Variants in KCTD16 observed in about 807,000 individuals in gnomAD.
KCTD16 encodes the protein BTB/POZ domain-containing protein KCTD16.
Under a neutral mutation model 33.2 loss-of-function variants are expected in KCTD16, and 13 were observed. The ratio of observed to expected loss-of-function variants is 0.39; its 90% confidence interval spans 0.25 to 0.62. The LOEUF (loss-of-function observed/expected upper bound fraction) is 0.62, where lower values mean the gene tolerates loss of function less well. Among genes scored for constraint, KCTD16 ranks in the 20% least tolerant of loss-of-function variants. The pLI, the probability that KCTD16 is intolerant of heterozygous loss-of-function variation, is 0.50. For missense variants in KCTD16, 441 were observed against 525.1 expected (o/e 0.84, Z 1.57); for synonymous variants, 197 against 195.3 (o/e 1.01, Z -0.07).
intron 3 of KCTD16, among the ~76,000 whole-genome samples, chr5:144,344,926 T>C (rs1292989601): frequency 6.6e-6 from 1 of 151,608 alleles, no homozygotes; most frequent in Non-Finnish European, 1.5e-5. Context: ...TGCGGCACTA[T>C]TCACAATAGC....
rs1754649896 is a variant in KCTD16 at position 144,478,961 on chromosome 5, C to A, written c.*4847C>A. The A allele has an allele frequency of 6.6e-6, 1 of 151,792 alleles. No homozygotes were observed. The highest frequency in any genetic ancestry group is 2.1e-4 in the South Asian group (1 of 4,828). The allele number at this position is 151,792 out of a possible 1,614,324, so 9.4% of individuals were successfully genotyped here. A position where few individuals can be genotyped will look rare whatever the true frequency, so the allele number is the denominator to read the frequency against. The stretch of plus-strand genomic sequence containing the variant: ...GGTTTTTTCCCAAAATAAAAGCCTG[C>A]ATTATTATAGTCTTAGCTCTGGGTA... On this transcript the variant is annotated 3_prime_UTR_variant, in exon 4 of 4. Coordinates refer to ENST00000512467, the MANE Select transcript of KCTD16 (RefSeq NM_020768.4).
chr5:144,423,668 C>A (rs1460658336), intron 3 of KCTD16, among the ~76,000 whole-genome samples: 1 of 152,070 alleles, frequency 6.6e-6, no homozygotes, highest in Admixed American at 6.6e-5. Context: ...TGGGAAAACC[C>A]TGAATTAAGA....
intron 3 of KCTD16, among the ~76,000 whole-genome samples, chr5:144,254,687 C>T (rs1466107897): frequency 6.6e-6 from 1 of 152,130 alleles, no homozygotes; most frequent in Non-Finnish European, 1.5e-5. Flanking sequence ...CTCCCACAGC[C>T]TCTGGCAACT....
In KCTD16 at chr5:144,477,746, C is replaced by A. The variant is rs935658703; in HGVS notation, c.*3632C>A. 6.6e-6 allele frequency: 1 copy of A among 151,954 alleles called. No homozygotes were observed. The highest frequency in any genetic ancestry group is 1.5e-5 in the Non-Finnish European group (1 of 67,956). The allele number at this position is 151,954 out of a possible 1,614,324, so 9.4% of individuals were successfully genotyped here. A position where few individuals can be genotyped will look rare whatever the true frequency, so the allele number is the denominator to read the frequency against. ...CCAAATTTTGATTCTTATACATTTT[C>A]CTTTGCTACAATTCCAACCTTCAAC... On this transcript the variant is annotated 3_prime_UTR_variant, in exon 4 of 4. Coordinates refer to ENST00000512467, the MANE Select transcript of KCTD16 (RefSeq NM_020768.4).
At chr5:144,364,494 T>A (rs1028167602) in intron 3 of KCTD16, among the ~76,000 whole-genome samples, 2 of 152,200 alleles carry the variant, frequency 1.3e-5, no homozygotes, top group African/African-American at 4.8e-5. Context: ...TCGAAGTAGA[T>A]CCAATCGCAT....
chr5:144,207,192 G>T lies in KCTD16; in HGVS notation c.478G>T (p.Asp160Tyr), dbSNP rs148158462. Residue 160 changes from aspartate (D) to tyrosine (Y), a missense_variant, in exon 3 of 4, where the codon GAC (aspartate) becomes TAC (tyrosine). Physicochemically the swap from Asp to Tyr is radical, Grantham distance 160 (BLOSUM62 -3). Coordinates refer to ENST00000512467, the MANE Select transcript of KCTD16 (RefSeq NM_020768.4). ...ICPPSSLLPA[D>Y]RKWGFITVGY... Reference sequence around the variant, plus strand: ...CCCCCCTTCCTCCCTGCTCCCTGCCGACCGCAAGTGGGGTTTCATTACTGT... The same window carrying T: ...CCCCCCTTCCTCCCTGCTCCCTGCCTACCGCAAGTGGGGTTTCATTACTGT... 1.2e-6 allele frequency: 2 copies of T among 1,613,270 alleles called. No homozygotes were observed. Among genetic ancestry groups the T allele is most frequent in the Admixed American group, 3.3e-5 (2 of 59,920 alleles).
intron 3 of KCTD16, among the ~76,000 whole-genome samples, chr5:144,358,519 C>CT (rs1751627098): frequency 6.6e-6 from 1 of 152,072 alleles, no homozygotes; most frequent in Admixed American, 6.6e-5. Flanking sequence ...CATTCGAGGC[C>CT]TTTTGTAAAG....
At chr5:144,174,037 G>A (rs574310645) in intron 1 of KCTD16, among the ~76,000 whole-genome samples, 15 of 151,846 alleles carry the variant, frequency 9.9e-5, no homozygotes, top group Non-Finnish European at 1.9e-4. Flanking sequence ...GGAGTAGAAA[G>A]CCTCACCCTA....
intron 3 of KCTD16, among the ~76,000 whole-genome samples, chr5:144,324,288 C>A (rs1441262154): frequency 2.2e-4 from 33 of 152,114 alleles, no homozygotes; most frequent in Non-Finnish European, 4.1e-4. Context: ...TCTGATAATT[C>A]TATTTACCAG....
intron 2 of KCTD16, among the ~76,000 whole-genome samples, chr5:144,180,463 CAAAA>C (rs996370347): frequency 1.2e-4 from 18 of 152,196 alleles, no homozygotes; most frequent in African/African-American, 4.3e-4. Flanking sequence ...AACAAACAAA[CAAAA>C]AACTCCAAGA....
chr5:144,335,120 G>A (rs1203193015), intron 3 of KCTD16, among the ~76,000 whole-genome samples: 3 of 151,954 alleles, frequency 2.0e-5, no homozygotes, highest in African/African-American at 7.2e-5. Flanking sequence ...CACTGTACAT[G>A]GTGTCAATCT....
intron 3 of KCTD16, among the ~76,000 whole-genome samples, chr5:144,398,482 T>A (rs1752628347): frequency 1.3e-5 from 2 of 152,190 alleles, no homozygotes; most frequent in Non-Finnish European, 2.9e-5. Flanking sequence ...ACAGGCAGAT[T>A]GTTAAGAAAA....
chr5:144,429,471 T>C (rs945334385), intron 3 of KCTD16, among the ~76,000 whole-genome samples: 5 of 152,070 alleles, frequency 3.3e-5, no homozygotes, highest in African/African-American at 1.2e-4. Context: ...ACCCAAGATA[T>C]AGAATTTTCT....
rs1377890891 is a variant in KCTD16, at chr5:144,470,178, C to T, written c.833-3482C>T. ...GTATAATTGGGGGGATTCTAGAATA[C>T]TTTGTGTTACAGAACTGACCTTTCA... On this transcript the variant is annotated intron_variant, in intron 3 of 3. Coordinates refer to ENST00000512467, the MANE Select transcript of KCTD16 (RefSeq NM_020768.4). Among the ~76,000 whole-genome samples the T allele has an allele frequency of 2.0e-5, 3 of 152,148 alleles. No individual in the cohort carries two copies. In the East Asian group the frequency reaches 5.8e-4, roughly 29 times the overall value.
intron 3 of KCTD16, among the ~76,000 whole-genome samples, chr5:144,328,607 A>G (rs996984384): frequency 3.3e-5 from 5 of 151,492 alleles, no homozygotes; most frequent in Admixed American, 1.3e-4. Flanking sequence ...TTTCATGTGC[A>G]TTACATCATC....
intron 3 of KCTD16, among the ~76,000 whole-genome samples, chr5:144,467,735 A>G (rs765678371): frequency 9.2e-5 from 14 of 152,054 alleles, no homozygotes; most frequent in African/African-American, 3.4e-4. Flanking sequence ...TTCATTTCCT[A>G]GCTTGTGCAG....
rs78426344 is a variant in KCTD16, at chr5:144,395,302, G to A, written c.833-78358G>A. On this transcript the variant is annotated intron_variant, in intron 3 of 3. Transcript: ENST00000512467. The stretch of plus-strand genomic sequence containing the variant: ...ATAAGCATGGGGAGGCGATATGTCC[G>A]TGTCTGATATACTGAACTAAACAAC... Among the ~76,000 whole-genome samples the A allele has an allele frequency of 4.7e-3, 708 of 152,216 alleles. 37 individuals are homozygous for A. In the East Asian group the frequency reaches 0.097, roughly 21 times the overall value.
chr5:144,384,618 T>C (rs1752284697), intron 3 of KCTD16, among the ~76,000 whole-genome samples: 1 of 152,212 alleles, frequency 6.6e-6, no homozygotes, highest in Non-Finnish European at 1.5e-5. Context: ...CAAAATATAG[T>C]AAACATAATT....
At chr5:144,307,160 C>G (rs1444468014) in intron 3 of KCTD16, among the ~76,000 whole-genome samples, 1 of 152,190 alleles carries the variant, frequency 6.6e-6, no homozygotes, top group African/African-American at 2.4e-5. Context: ...TTCCAAGGTG[C>G]CCTTTCTTCT....
Sources: allele counts gnomAD v4.1 joint callset (sites outside exome capture counted in the v4.1 genomes callset), GRCh38; gene constraint gnomAD v4.1.1; transcripts MANE v1.5; gene names NCBI Gene and HGNC (gene_info 2026-07-23, HGNC 2026-07-21).